Variants in PFDN1 observed in about 807,000 individuals in gnomAD.
PFDN1 encodes prefoldin 1.
Under a neutral mutation model 17.3 loss-of-function variants are expected in PFDN1, and 6 were observed. The observed-to-expected ratio is 0.35, with a 90% CI of 0.19 to 0.69. The LOEUF is 0.69. PFDN1 is among the 30% of genes least tolerant of loss of function. The pLI is 0.65. For missense variants in PFDN1, 113 were observed against 146.2 expected, an observed-to-expected ratio of 0.77 and a Z score of 1.17; for synonymous variants, 58 against 50.1, an observed-to-expected ratio of 1.16 and a Z score of -0.67.
chr5:140,302,263 T>TTCCAA (rs778226227), intron 1 of PFDN1, among the ~76,000 whole-genome samples: 1 of 152,200 alleles, frequency 6.6e-6, no homozygotes, highest in Non-Finnish European at 1.5e-5. Flanking sequence ...CTAGGGTCCT[T>TTCCAA]TCCAATCCAC....
At chr5:140,265,521 T>C (rs1483562909) in intron 3 of PFDN1, among the ~76,000 whole-genome samples, 1 of 152,184 alleles carries the variant, frequency 6.6e-6, no homozygotes, top group Non-Finnish European at 1.5e-5. Context: ...TATCCAACTG[T>C]CTATTCAACA....
intron 2 of PFDN1, among the ~76,000 whole-genome samples, chr5:140,287,828 T>C (rs1765520144): frequency 6.6e-6 from 1 of 152,158 alleles, no homozygotes; most frequent in African/African-American, 2.4e-5. Context: ...AATAAGCAAG[T>C]GAAAAGATAT....
chr5:140,281,579 A>T, intron 2 of PFDN1, 46 bp from the exon 3 acceptor site: 6 of 913,830 alleles, frequency 6.6e-6, no homozygotes, highest in African/African-American at 1.6e-5. Context: ...TGACTATTGA[A>T]TTCATCGAAA....
At chr5:140,282,194 TTA>T (rs1765414002) in intron 2 of PFDN1, 1 of 39,290 alleles carries the variant, frequency 2.5e-5, no homozygotes. Flanking sequence ...CTTAAAAACA[TTA>T]AAAAAAAAAA....
intron 2 of PFDN1, among the ~76,000 whole-genome samples, chr5:140,296,246 GA>G (rs1311080710): frequency 6.6e-6 from 1 of 151,392 alleles, no homozygotes; most frequent in Non-Finnish European, 1.5e-5. Flanking sequence ...TTTTTTCTAA[GA>G]AACCAAAAGA....
chr5:140,283,349 CAGCCTCCCG>C (rs1343599930), intron 2 of PFDN1, among the ~76,000 whole-genome samples: 1 of 152,198 alleles, frequency 6.6e-6, no homozygotes, highest in African/African-American at 2.4e-5. Context: ...TCTCCTGCCT[CAGCCTCCCG>C]AGTAGCTGGG....
At chr5:140,247,892 C>T (rs886319625) in intron 3 of PFDN1, among the ~76,000 whole-genome samples, 1 of 151,922 alleles carries the variant, frequency 6.6e-6, no homozygotes, top group Admixed American at 6.6e-5. Flanking sequence ...GCCATGCCAT[C>T]GCACTCCAGC....
At chr5:140,274,141 C>G (rs1765254026) in intron 3 of PFDN1, among the ~76,000 whole-genome samples, 1 of 152,134 alleles carries the variant, frequency 6.6e-6, no homozygotes, top group African/African-American at 2.4e-5. Flanking sequence ...AAAAAGTTAG[C>G]AAAACCAGAG....
At chr5:140,265,630 T>C (rs1247393014) in intron 3 of PFDN1, 5 of 152,064 alleles carry the variant, frequency 3.3e-5, no homozygotes. Flanking sequence ...AAAAATTTAG[T>C]TTCAAAACTT....
intron 3 of PFDN1, among the ~76,000 whole-genome samples, chr5:140,246,719 T>G (rs950042065): frequency 1.3e-5 from 2 of 152,196 alleles, no homozygotes; most frequent in African/African-American, 2.4e-5. Context: ...CAAAGAACTT[T>G]CACTACTTTC....
chr5:140,280,221 A>G (rs1765379549), intron 3 of PFDN1, among the ~76,000 whole-genome samples: 1 of 148,648 alleles, frequency 6.7e-6, no homozygotes, highest in South Asian at 2.2e-4. Flanking sequence ...ATTCATTAGG[A>G]TAATTTTAAA....
chr5:140,295,967 C>T (rs1047601954), intron 2 of PFDN1, among the ~76,000 whole-genome samples: 2 of 152,082 alleles, frequency 1.3e-5, no homozygotes, highest in Admixed American at 1.3e-4. Flanking sequence ...TTATACTACC[C>T]TCAAGCATAA....
intron 2 of PFDN1, among the ~76,000 whole-genome samples, chr5:140,284,964 T>C (rs1303384060): frequency 1.3e-5 from 2 of 152,238 alleles, no homozygotes; most frequent in Non-Finnish European, 1.5e-5. Flanking sequence ...TAAATCATCC[T>C]GCAGTTTGGT....
At chr5:140,272,032 T>TTGA (rs1765213895) in intron 3 of PFDN1, among the ~76,000 whole-genome samples, 1 of 150,850 alleles carries the variant, frequency 6.6e-6, no homozygotes, top group Non-Finnish European at 1.5e-5. Context: ...TTTGTTGTTG[T>TTGA]CTTTTGAGAT....
At chr5:140,284,648 T>C (rs980074630) in intron 2 of PFDN1, among the ~76,000 whole-genome samples, 2 of 152,220 alleles carry the variant, frequency 1.3e-5, no homozygotes, top group African/African-American at 2.4e-5. Flanking sequence ...TAAAGAATTC[T>C]GGAGTTCAAA....
At position 140,300,570 on chromosome 5, in the gene PFDN1, G is replaced by A; in HGVS notation, c.46C>T (p.Leu16Phe). The change falls in exon 2 of 4, where the codon CTT becomes TTT. Residue 16 changes from leucine to phenylalanine, a missense_variant. Physicochemically the swap from Leu to Phe is conservative, Grantham distance 22. Coordinates refer to ENST00000261813, the MANE Select transcript of PFDN1 (RefSeq NM_002622.5). ...TGAGTGTCAATAACTTTGGCTTGAA[G>A]CTCTGTGAAGGCCTAATAAAAACAA... ...DLELKKAFTE[L>F]QAKVIDTQQK... The A allele has an allele frequency of 6.2e-7, 1 of 1,607,594 alleles. No homozygotes were observed. Among genetic ancestry groups the A allele is most frequent in the Non-Finnish European group, 8.5e-7 (1 of 1,176,702 alleles).
chr5:140,299,061 T>C lies in PFDN1; in HGVS notation c.200+1355A>G, dbSNP rs115987206. 3.3e-3 allele frequency among the ~76,000 whole-genome samples: 499 copies of C among 152,116 alleles called. 4 individuals are homozygous for C. The highest frequency in any genetic ancestry group is 0.012 in the African/African-American group (481 of 41,382). The stretch of plus-strand genomic sequence containing the variant: ...CCACTATGCCTGGCCAGAATGAGTG[T>C]ATTTAAATGACAATTGAATTTTTAT... On this transcript the variant is annotated intron_variant, in intron 2 of 3. Transcript: ENST00000261813.
chr5:140,258,486 T>C (rs1370727112), intron 3 of PFDN1, among the ~76,000 whole-genome samples: 1 of 143,374 alleles, frequency 7.0e-6, no homozygotes, highest in Non-Finnish European at 1.5e-5. Flanking sequence ...GATTAGAGAA[T>C]ACACGCGTGA....
chr5:140,271,876 A>C (rs1581088586), intron 3 of PFDN1, among the ~76,000 whole-genome samples: 1 of 151,464 alleles, frequency 6.6e-6, no homozygotes, highest in Non-Finnish European at 1.5e-5. Context: ...GATTTTGTTC[A>C]TGTAAAGTTC....
Sources: gnomAD v4.1 joint callset for allele counts (sites outside exome capture counted in the v4.1 genomes callset) on GRCh38, gnomAD v4.1.1 for gene constraint, MANE v1.5 for transcripts, NCBI Gene and HGNC (gene_info 2026-07-23, HGNC 2026-07-21) for gene names.